The following MACROD2 variants were observed in gnomAD, a reference collection of about 807,000 sequenced individuals.
MACROD2 encodes the protein ADP-ribose glycohydrolase MACROD2.
A neutral mutation model predicts 70.4 loss-of-function variants in MACROD2; 36 were observed. The ratio of observed to expected loss-of-function variants is 0.51; its 90% CI spans 0.39 to 0.68. The LOEUF (loss-of-function observed/expected upper bound fraction) is 0.68, where lower values mean the gene tolerates loss of function less well. Ranked by LOEUF, MACROD2 falls within the 30% of genes least tolerant of loss-of-function variation. MACROD2 has a pLI of 0.00. For synonymous variants in MACROD2, 172 were observed against 178.8 expected (o/e 0.96, Z 0.30); for missense variants, 496 against 538.4 (o/e 0.92, Z 0.78).
chr20:15,417,392 A>G (rs987224555), intron 6 of MACROD2, among the ~76,000 whole-genome samples: 1 of 151,732 alleles, frequency 6.6e-6, no homozygotes, highest in African/African-American at 2.4e-5. Context: ...GGAGTTTGAG[A>G]CCAGCCTGGA....
intron 17 of MACROD2, 36 bp from the exon 18 acceptor site, chr20:16,049,794 T>A (rs756056816): frequency 4.3e-6 from 7 of 1,610,888 alleles, no homozygotes; most frequent in Middle Eastern, 1.7e-4. Context: ...AGATGTCTTA[T>A]CTTTAATCTA....
intron 3 of MACROD2, among the ~76,000 whole-genome samples, chr20:14,235,493 G>A (rs2122218411): frequency 6.6e-6 from 1 of 152,242 alleles, no homozygotes; most frequent in South Asian, 2.1e-4. Flanking sequence ...GAACTGCTAA[G>A]CTATGTTACC....
At chr20:15,993,349 T>C (rs1174105514) in intron 15 of MACROD2, among the ~76,000 whole-genome samples, 1 of 151,766 alleles carries the variant, frequency 6.6e-6, no homozygotes, top group Non-Finnish European at 1.5e-5. Context: ...CATAAGATTA[T>C]GATGCTACAT....
intron 2 of MACROD2, among the ~76,000 whole-genome samples, chr20:14,059,215 G>A (rs777694132): frequency 6.6e-6 from 1 of 151,950 alleles, no homozygotes; most frequent in African/African-American, 2.4e-5. Flanking sequence ...GATGTAGTTC[G>A]TGATTCAGAT....
At chr20:15,524,061 G>T (rs1202746636) in intron 8 of MACROD2, among the ~76,000 whole-genome samples, 2 of 152,128 alleles carry the variant, frequency 1.3e-5, no homozygotes, top group Non-Finnish European at 2.9e-5. Flanking sequence ...CAGTAACTTG[G>T]AAGTCCTTTG....
At chr20:15,593,069 C>T (rs2048699825) in intron 8 of MACROD2, among the ~76,000 whole-genome samples, 1 of 152,090 alleles carries the variant, frequency 6.6e-6, no homozygotes, top group African/African-American at 2.4e-5. Context: ...ACCCGGGCTG[C>T]AATGATAATT....
At chr20:15,309,678 C>G (rs2077731937) in intron 6 of MACROD2, among the ~76,000 whole-genome samples, 1 of 152,098 alleles carries the variant, frequency 6.6e-6, no homozygotes, top group African/African-American at 2.4e-5. Flanking sequence ...CAGAATATCT[C>G]TGCCTTAGGA....
intron 3 of MACROD2, among the ~76,000 whole-genome samples, chr20:14,427,071 G>T (rs1424857779): frequency 6.6e-6 from 1 of 152,006 alleles, no homozygotes; most frequent in African/African-American, 2.4e-5. Flanking sequence ...TATAAATTTG[G>T]TTGGCTCTTA....
chr20:14,969,161 T>TTATATATATATATATATA (rs150798380), intron 5 of MACROD2, among the ~76,000 whole-genome samples: 12 of 147,744 alleles, frequency 8.1e-5, no homozygotes, highest in African/African-American at 3.0e-4. Context: ...TATCTCCAGT[T>TTATATATATATATATATA]TATATATATA....
In MACROD2 at chr20:15,936,498, ATATATATACTC is replaced by A. The variant is rs558120642; in HGVS notation, c.839-968_839-958del. Reference sequence around the variant, plus strand: ...TATAGTATATTTATACATATGAACTATATATATACTCTATATATACACATGTGCACACTATA... The same window carrying A: ...TATAGTATATTTATACATATGAACTATATATATACACATGTGCACACTATA... On this transcript the variant is annotated intron_variant, in intron 11 of 17. Coordinates refer to ENST00000684519, the MANE Select transcript of MACROD2 (RefSeq NM_001351661.2). Among the ~76,000 whole-genome samples the A allele has an allele frequency of 5.9e-3, 878 of 148,330 alleles. 1 individual carries two copies. The highest frequency in any genetic ancestry group is 9.1e-3 in the Non-Finnish European group (612 of 67,290).
At chr20:15,146,189 T>A (rs2076228930) in intron 5 of MACROD2, among the ~76,000 whole-genome samples, 1 of 152,160 alleles carries the variant, frequency 6.6e-6, no homozygotes, top group African/African-American at 2.4e-5. Context: ...TTGTTTAATC[T>A]TTCTCTTGAG....
intron 12 of MACROD2, among the ~76,000 whole-genome samples, chr20:15,939,147 C>G (rs527942769): frequency 2.0e-5 from 3 of 152,266 alleles, no homozygotes; most frequent in Admixed American, 6.5e-5. Flanking sequence ...AAAGCTGCAG[C>G]AAGTTATCAA....
chr20:15,577,439 A>G (rs538218909), intron 8 of MACROD2, among the ~76,000 whole-genome samples: 2 of 152,200 alleles, frequency 1.3e-5, no homozygotes, highest in Non-Finnish European at 2.9e-5. Context: ...TATAACTATA[A>G]TGCCATCATC....
At chr20:15,203,594 TAAATATG>T (rs1281906994) in intron 5 of MACROD2, among the ~76,000 whole-genome samples, 1 of 152,106 alleles carries the variant, frequency 6.6e-6, no homozygotes, top group East Asian at 1.9e-4. Context: ...AAACTTTGGA[TAAATATG>T]AATTTCCATT....
At chr20:15,681,053 A>G (rs2050152908) in intron 8 of MACROD2, among the ~76,000 whole-genome samples, 1 of 152,184 alleles carries the variant, frequency 6.6e-6, no homozygotes, top group African/African-American at 2.4e-5. Context: ...TTGCAATGTA[A>G]TGTTTGAAGA....
chr20:15,793,250 A>T (rs184633010), intron 8 of MACROD2, among the ~76,000 whole-genome samples: 18 of 152,234 alleles, frequency 1.2e-4, no homozygotes, highest in African/African-American at 3.9e-4. Flanking sequence ...ATCACCAGGA[A>T]GGTTTGTTAA....
intron 6 of MACROD2, among the ~76,000 whole-genome samples, chr20:15,348,937 G>T (rs779585055): frequency 2.6e-5 from 4 of 152,070 alleles, no homozygotes; most frequent in African/African-American, 4.8e-5. Flanking sequence ...CATTGTGTCA[G>T]TTTAAGGAAA....
intron 2 of MACROD2, among the ~76,000 whole-genome samples, chr20:14,079,235 G>A (rs1429089498): frequency 6.6e-6 from 1 of 152,192 alleles, no homozygotes; most frequent in African/African-American, 2.4e-5. Context: ...AAAGGACTAT[G>A]CCAGGTACTC....
chr20:14,297,256 T>G (rs2082435504), intron 3 of MACROD2, among the ~76,000 whole-genome samples: 1 of 151,748 alleles, frequency 6.6e-6, no homozygotes, highest in Non-Finnish European at 1.5e-5. Flanking sequence ...GGCCTCTAGA[T>G]GTTCAAATAA....
Sources: gnomAD v4.1 joint callset for allele counts (sites outside exome capture counted in the v4.1 genomes callset) on GRCh38, gnomAD v4.1.1 for gene constraint, MANE v1.5 for transcripts, NCBI Gene and HGNC (gene_info 2026-07-23, HGNC 2026-07-21) for gene names.